DAGLB: variants seen among roughly 807,000 people sequenced by gnomAD.
DAGLB encodes diacylglycerol lipase-beta.
DAGLB carries 66 observed loss-of-function variants against 72.1 expected under a neutral mutation model. That is an observed-to-expected ratio of 0.92 (90% CI 0.75 to 1.12). The LOEUF (loss-of-function observed/expected upper bound fraction) is 1.12. DAGLB is among the 50% of genes most tolerant of loss of function. The pLI, the probability that DAGLB is intolerant of heterozygous loss-of-function variation, is 0.00. For synonymous variants in DAGLB, 414 were observed against 359.5 expected (o/e 1.15, Z -1.71); for missense variants, 1,065 against 884.9 (o/e 1.20, Z -2.58).
intron 6 of DAGLB, among the ~76,000 whole-genome samples, chr7:6,429,937 G>A (rs920654355): frequency 1.3e-5 from 2 of 151,740 alleles, no homozygotes; most frequent in South Asian, 2.1e-4. Flanking sequence ...CCAGTTACTC[G>A]GGAGGCTGAG....
chr7:6,419,643 C>T (rs1270856938), intron 9 of DAGLB, among the ~76,000 whole-genome samples: 1 of 152,202 alleles, frequency 6.6e-6, no homozygotes, highest in African/African-American at 2.4e-5. Context: ...AATATGAACC[C>T]AGCACTTGGG....
chr7:6,424,640 C>A, intron 8 of DAGLB, 112 bp downstream of exon 8: 6 of 1,010,344 alleles, frequency 5.9e-6, no homozygotes, highest in Admixed American at 1.9e-5. Context: ...TCTGTCCTCA[C>A]CATTTTCCCC....
At chr7:6,418,556 C>T (rs917564264) in intron 9 of DAGLB, among the ~76,000 whole-genome samples, 3 of 152,176 alleles carry the variant, frequency 2.0e-5, no homozygotes, top group Admixed American at 1.3e-4. Flanking sequence ...GAAAAGCGGG[C>T]CTGGCCCCTG....
chr7:6,424,941 A>C (rs1236400151), intron 7 of DAGLB, 106 bp from the exon 8 acceptor site: 3 of 1,128,274 alleles, frequency 2.7e-6, no homozygotes, highest in African/African-American at 1.5e-5. Flanking sequence ...GTCCTGCGGC[A>C]CAGAGAGGAG....
At chr7:6,423,769 A>G (rs1784212594) in intron 8 of DAGLB, among the ~76,000 whole-genome samples, 1 of 152,092 alleles carries the variant, frequency 6.6e-6, no homozygotes, top group Non-Finnish European at 1.5e-5. Flanking sequence ...CTGTATTTTT[A>G]GTAGAGACGG....
At chr7:6,416,603 T>G (rs527243896) in intron 11 of DAGLB, 24 bp downstream of exon 11, 2 of 1,574,892 alleles carry the variant, frequency 1.3e-6, no homozygotes, top group South Asian at 2.3e-5. Flanking sequence ...AGCAAGCTGT[T>G]AGAGCAGGAA....
At chr7:6,433,365 G>A (rs1784553068) in intron 4 of DAGLB, among the ~76,000 whole-genome samples, 1 of 152,152 alleles carries the variant, frequency 6.6e-6, no homozygotes, top group Non-Finnish European at 1.5e-5. Context: ...GAAACACAGT[G>A]GATGGTAGAG....
At chr7:6,437,464 C>A (rs1018828168) in intron 2 of DAGLB, among the ~76,000 whole-genome samples, 1 of 152,096 alleles carries the variant, frequency 6.6e-6, no homozygotes, top group South Asian at 2.1e-4. Context: ...CAAGGTCTCA[C>A]TCTCTTGCCC....
At chr7:6,425,002 C>A (rs1784257899) in intron 7 of DAGLB, among the ~76,000 whole-genome samples, 167 bp from the exon 8 acceptor site, 1 of 152,232 alleles carries the variant, frequency 6.6e-6, no homozygotes, top group Non-Finnish European at 1.5e-5. Flanking sequence ...CCCACTCTGG[C>A]AGGGACTGGC....
chr7:6,410,510 G>C (rs978723989), intron 13 of DAGLB, 130 bp from the exon 14 acceptor site: 22 of 1,363,040 alleles, frequency 1.6e-5, no homozygotes, highest in Non-Finnish European at 2.2e-5. Flanking sequence ...GAAGACTCCA[G>C]CAAAGATGCA....
intron 6 of DAGLB, among the ~76,000 whole-genome samples, chr7:6,429,361 T>C (rs912939682): frequency 6.6e-6 from 1 of 151,646 alleles, no homozygotes; most frequent in Non-Finnish European, 1.5e-5. Context: ...GTCAATATCA[T>C]GAAAGGAAAG....
rs114566061 is a variant in DAGLB at position 6,414,407 on chromosome 7, G to A, written c.1428-1373C>T. Among the ~76,000 whole-genome samples, 1,270 of 151,808 alleles carry A rather than the reference G, an allele frequency of 8.4e-3. 24 individuals carry two copies. Among genetic ancestry groups the A allele is most frequent in the African/African-American group, 0.029 (1,216 of 41,352 alleles). On this transcript the variant is annotated intron_variant, in intron 11 of 14. Transcript: ENST00000297056. ...GGCTCACGGCAACCTCTTCATCCTG[G>A]GTTCAGGCAATCCTACTGCCTCAGC...
rs749384882 is a variant in DAGLB at position 6,447,877 on chromosome 7, C to T, written c.-35G>A. On this transcript the variant is annotated 5_prime_UTR_variant, in exon 1 of 15. Coordinates refer to ENST00000297056, the MANE Select transcript of DAGLB (RefSeq NM_139179.4). Reference sequence around the variant, plus strand: ...CCCGTAGCTCGCACTCAGGAGAGACCCCGCGCGCCGTTCACCGAGAACAAA... The same window carrying T: ...CCCGTAGCTCGCACTCAGGAGAGACTCCGCGCGCCGTTCACCGAGAACAAA... 2.5e-6 allele frequency: 4 copies of T among 1,572,654 alleles called. No individual in the cohort carries two copies. The highest frequency in any genetic ancestry group is 3.4e-4 in the Middle Eastern group (2 of 5,944).
intron 7 of DAGLB, among the ~76,000 whole-genome samples, chr7:6,425,692 T>C (rs565001749): frequency 7.2e-4 from 110 of 152,234 alleles, no homozygotes; most frequent in Non-Finnish European, 1.2e-3. Flanking sequence ...CAGAAGGCCA[T>C]GCGGCATTAA....
chr7:6,421,332 G>C (rs1784114965), intron 9 of DAGLB, among the ~76,000 whole-genome samples: 1 of 146,040 alleles, frequency 6.8e-6, no homozygotes. Context: ...GGCGCAGGCA[G>C]CGCGGGAGGC....
At chr7:6,411,850 A>T (rs866279) in intron 13 of DAGLB, among the ~76,000 whole-genome samples, 10 of 152,034 alleles carry the variant, frequency 6.6e-5, no homozygotes, top group Admixed American at 6.5e-4. Context: ...GCCATGAGTC[A>T]TATCTCTTAA....
rs528328973 is a variant in DAGLB, at chr7:6,444,312, A to G, written c.247+1641T>C. On this transcript the variant is annotated intron_variant, in intron 2 of 14. Transcript: ENST00000297056. ...TAGTTGTAACCCTCACAATGTAAAA[A>G]TAAAAGGGACCAGGCGCGGTGACTC... is the stretch of plus-strand genomic sequence containing the variant. Among the ~76,000 whole-genome samples the G allele has an allele frequency of 1.9e-3, 284 of 152,240 alleles. 1 individual carries two copies. Among genetic ancestry groups the G allele is most frequent in the African/African-American group, 6.7e-3 (279 of 41,542 alleles).
At chr7:6,422,687 G>A (rs1490602166) in intron 8 of DAGLB, 1 of 152,662 alleles carries the variant, frequency 6.6e-6, no homozygotes, top group East Asian at 1.9e-4. Flanking sequence ...TCAACATTGG[G>A]TATTCATGGA....
chr7:6,439,808 T>C (rs1298281710), intron 2 of DAGLB, among the ~76,000 whole-genome samples: 4 of 151,714 alleles, frequency 2.6e-5, no homozygotes, highest in African/African-American at 9.7e-5. Flanking sequence ...TCCGAGCAAT[T>C]TGGGAGGGCA....
Sources: allele counts gnomAD v4.1 joint callset (sites outside exome capture counted in the v4.1 genomes callset), GRCh38; gene constraint gnomAD v4.1.1; transcripts MANE v1.5; gene names NCBI Gene and HGNC (gene_info 2026-07-23, HGNC 2026-07-21).